STXBP5L: variants seen among roughly 807,000 people sequenced by gnomAD.
STXBP5L encodes the protein syntaxin binding protein 5L.
STXBP5L carries 65 observed loss-of-function variants against 144.5 expected under a neutral mutation model. The ratio of observed to expected loss-of-function variants is 0.45; its 90% CI spans 0.37 to 0.55. STXBP5L has a LOEUF of 0.55. Among genes scored for constraint, STXBP5L ranks in the 20% least tolerant of loss-of-function variants. The pLI is 0.00. For missense variants in STXBP5L, 1,298 were observed against 1,405.5 expected (o/e 0.92, Z 1.22); for synonymous variants, 505 against 469.6 (o/e 1.08, Z -0.97).
At chr3:121,196,819 G>C (rs1236621643) in intron 9 of STXBP5L, among the ~76,000 whole-genome samples, 1 of 148,576 alleles carries the variant, frequency 6.7e-6, no homozygotes, top group East Asian at 2.0e-4. Flanking sequence ...ACAGGCCTTT[G>C]CTACCATGCC....
chr3:121,038,479 A>G (rs866913356), intron 3 of STXBP5L, among the ~76,000 whole-genome samples: 2 of 151,934 alleles, frequency 1.3e-5, no homozygotes, highest in Non-Finnish European at 2.9e-5. Flanking sequence ...TGATTTCAAT[A>G]CTTTTAAATG....
intron 3 of STXBP5L, 70 bp from the exon 4 acceptor site, chr3:121,041,628 TAA>T: frequency 1.8e-6 from 2 of 1,120,702 alleles, no homozygotes; most frequent in South Asian, 1.3e-5. Context: ...TGTTGATCAA[TAA>T]GTTAGTTTCT....
chr3:121,101,710 A>C (rs375995422), intron 5 of STXBP5L, among the ~76,000 whole-genome samples: 1 of 152,090 alleles, frequency 6.6e-6, no homozygotes, highest in East Asian at 1.9e-4. Flanking sequence ...CTTATTCAAC[A>C]TAGTACTGGA....
At chr3:120,918,922 G>T (rs1039849461) in intron 2 of STXBP5L, among the ~76,000 whole-genome samples, 4 of 152,030 alleles carry the variant, frequency 2.6e-5, no homozygotes, top group African/African-American at 4.8e-5. Flanking sequence ...GAAGTGGGTG[G>T]GTTGTTCAGT....
At chr3:120,989,154 T>G (rs974804005) in intron 3 of STXBP5L, among the ~76,000 whole-genome samples, 3 of 152,190 alleles carry the variant, frequency 2.0e-5, no homozygotes, top group African/African-American at 7.2e-5. Flanking sequence ...TTTGATACAA[T>G]GATTTCTCTT....
At chr3:120,939,702 G>T (rs1483847696) in intron 2 of STXBP5L, among the ~76,000 whole-genome samples, 1 of 152,046 alleles carries the variant, frequency 6.6e-6, no homozygotes, top group African/African-American at 2.4e-5. Context: ...CGAACATAAC[G>T]TTAAACATAA....
intron 14 of STXBP5L, among the ~76,000 whole-genome samples, chr3:121,242,725 T>C (rs1247063323): frequency 6.6e-6 from 1 of 152,078 alleles, no homozygotes; most frequent in Non-Finnish European, 1.5e-5. Flanking sequence ...CTATATGTTA[T>C]CTGCAATACA....
intron 20 of STXBP5L, among the ~76,000 whole-genome samples, chr3:121,350,134 G>T (rs1024033416): frequency 6.6e-6 from 1 of 152,116 alleles, no homozygotes; most frequent in Non-Finnish European, 1.5e-5. Flanking sequence ...TCCTTCAGGA[G>T]CTCTTTTAGG....
intron 20 of STXBP5L, among the ~76,000 whole-genome samples, chr3:121,329,021 C>CAT (rs1385227931): frequency 2.6e-5 from 4 of 151,742 alleles, no homozygotes; most frequent in Non-Finnish European, 5.9e-5. Flanking sequence ...TATATACACA[C>CAT]ATATATATAA....
At chr3:121,315,186 G>A (rs1004488499) in intron 19 of STXBP5L, among the ~76,000 whole-genome samples, 13 of 152,178 alleles carry the variant, frequency 8.5e-5, no homozygotes, top group Middle Eastern at 3.4e-3. Context: ...ACATGCACAC[G>A]TATGTTTACT....
intron 20 of STXBP5L, among the ~76,000 whole-genome samples, chr3:121,346,571 G>A (rs777482378): frequency 6.6e-6 from 1 of 152,138 alleles, no homozygotes; most frequent in Non-Finnish European, 1.5e-5. Context: ...CCCACCAACA[G>A]TGTAAAAGTG....
chr3:120,948,775 A>G (rs1245934844), intron 2 of STXBP5L, among the ~76,000 whole-genome samples: 1 of 151,870 alleles, frequency 6.6e-6, no homozygotes, highest in Non-Finnish European at 1.5e-5. Flanking sequence ...CGGTGTATAT[A>G]TACCACATTC....
chr3:121,153,779 T>C (rs541956093), intron 8 of STXBP5L, among the ~76,000 whole-genome samples: 1 of 152,000 alleles, frequency 6.6e-6, no homozygotes, highest in East Asian at 1.9e-4. Context: ...TGGTGAAAAA[T>C]AATCTGATAA....
At chr3:121,023,875 C>T (rs1945735477) in intron 3 of STXBP5L, among the ~76,000 whole-genome samples, 1 of 152,088 alleles carries the variant, frequency 6.6e-6, no homozygotes, top group Admixed American at 6.6e-5. Context: ...CCTACCTCAG[C>T]CTCCCAAGTA....
chr3:121,222,175 CTT>C (rs1343979816), intron 10 of STXBP5L, among the ~76,000 whole-genome samples: 8 of 152,034 alleles, frequency 5.3e-5, no homozygotes, highest in Non-Finnish European at 1.0e-4. Flanking sequence ...TGCTAACACA[CTT>C]TTTCTTTTGT....
intron 2 of STXBP5L, among the ~76,000 whole-genome samples, chr3:120,943,396 G>A (rs1402538414): frequency 6.6e-6 from 1 of 151,556 alleles, no homozygotes; most frequent in Non-Finnish European, 1.5e-5. Flanking sequence ...TTTGTAAGCA[G>A]TTAGAAGTTC....
intron 24 of STXBP5L, among the ~76,000 whole-genome samples, chr3:121,413,606 A>G (rs201503988): frequency 8.5e-5 from 13 of 152,128 alleles, no homozygotes; most frequent in East Asian, 5.8e-4. Context: ...CTTATAAAAG[A>G]TTATAAACTC....
chr3:121,108,096 C>T (rs1393756742), intron 5 of STXBP5L, among the ~76,000 whole-genome samples: 2 of 152,102 alleles, frequency 1.3e-5, no homozygotes, highest in Non-Finnish European at 2.9e-5. Context: ...TGCTTATCAG[C>T]TTAAGAAGCT....
At chr3:121,413,043 TA>T in intron 23 of STXBP5L, 114 bp from the exon 24 acceptor site, 3 of 903,826 alleles carry the variant, frequency 3.3e-6, no homozygotes, top group Non-Finnish European at 4.6e-6. Flanking sequence ...AATATAAAAA[TA>T]AAAAAATAAA....
Sources: gnomAD v4.1 joint callset for allele counts (sites outside exome capture counted in the v4.1 genomes callset) on GRCh38, gnomAD v4.1.1 for gene constraint, MANE v1.5 for transcripts, NCBI Gene and HGNC (gene_info 2026-07-23, HGNC 2026-07-21) for gene names.